KCNIP4: variants seen among roughly 807,000 people sequenced by gnomAD.
KCNIP4 encodes potassium voltage-gated channel interacting protein 4.
In KCNIP4, 12 loss-of-function variants were observed where a neutral mutation model predicts 34.0. The ratio of observed to expected loss-of-function variants is 0.35; its 90% CI spans 0.23 to 0.57. The LOEUF (loss-of-function observed/expected upper bound fraction) is 0.57. Ranked by LOEUF, KCNIP4 falls within the 20% of genes least tolerant of loss-of-function variation. The pLI is 0.83. For missense variants in KCNIP4, 238 were observed against 311.7 expected, an observed-to-expected ratio of 0.76 and a Z score of 1.78; for synonymous variants, 124 against 102.2, an observed-to-expected ratio of 1.21 and a Z score of -1.29.
At chr4:20,756,298 C>G (rs770131433) in intron 4 of KCNIP4, among the ~76,000 whole-genome samples, 3 of 152,126 alleles carry the variant, frequency 2.0e-5, no homozygotes, top group African/African-American at 4.8e-5. Context: ...ATGGTTCCCT[C>G]TTGTCTTGAG....
chr4:21,936,146 T>C (rs1045465544), intron 1 of KCNIP4, among the ~76,000 whole-genome samples: 1 of 152,062 alleles, frequency 6.6e-6, no homozygotes, highest in Non-Finnish European at 1.5e-5. Context: ...GATTGAGAGA[T>C]GATATGGTTT....
chr4:21,854,181 CAAG>C (rs1724602680), intron 1 of KCNIP4, among the ~76,000 whole-genome samples: 1 of 152,088 alleles, frequency 6.6e-6, no homozygotes. Flanking sequence ...GCTGATAAGG[CAAG>C]ATGATAAAAC....
intron 1 of KCNIP4, among the ~76,000 whole-genome samples, chr4:21,700,796 G>T (rs1447652267): frequency 6.6e-6 from 1 of 152,092 alleles, no homozygotes; most frequent in Non-Finnish European, 1.5e-5. Context: ...TAAAGGTCCA[G>T]TTTCATTCTT....
chr4:21,348,259 A>C (rs971580449), intron 1 of KCNIP4, among the ~76,000 whole-genome samples: 4 of 152,200 alleles, frequency 2.6e-5, no homozygotes, highest in Admixed American at 6.5e-5. Context: ...AGTCACTAAC[A>C]GTCTTCAATG....
intron 2 of KCNIP4, among the ~76,000 whole-genome samples, chr4:20,853,310 A>G (rs1577254656): frequency 7.3e-6 from 1 of 137,402 alleles, no homozygotes; most frequent in Non-Finnish European, 1.6e-5. Flanking sequence ...CCAGTGGAAC[A>G]GAATAGATAA....
At chr4:21,556,603 A>G (rs937708035) in intron 1 of KCNIP4, among the ~76,000 whole-genome samples, 7 of 152,064 alleles carry the variant, frequency 4.6e-5, no homozygotes, top group African/African-American at 1.4e-4. Flanking sequence ...ATTGCTAAGA[A>G]TCTTCTATGG....
chr4:21,769,811 T>C (rs535218871), intron 1 of KCNIP4, among the ~76,000 whole-genome samples: 15 of 152,244 alleles, frequency 9.9e-5, no homozygotes, highest in Admixed American at 3.9e-4. Flanking sequence ...TCCACACTTA[T>C]AAATTCTGTT....
intron 1 of KCNIP4, among the ~76,000 whole-genome samples, chr4:21,669,312 T>C (rs1275579424): frequency 6.6e-6 from 1 of 152,202 alleles, no homozygotes; most frequent in African/African-American, 2.4e-5. Flanking sequence ...TTGCCCAGGC[T>C]GTTTTCAAAT....
At chr4:21,308,081 A>G (rs566881726) in intron 1 of KCNIP4, among the ~76,000 whole-genome samples, 4 of 152,346 alleles carry the variant, frequency 2.6e-5, no homozygotes, top group African/African-American at 9.6e-5. Context: ...TTCAAGTCGC[A>G]GCGTGGATTC....
At chr4:21,852,221 G>C (rs1404029594) in intron 1 of KCNIP4, 1 of 152,114 alleles carries the variant, frequency 6.6e-6, no homozygotes, top group Non-Finnish European at 1.5e-5. Flanking sequence ...AAGGCTTCCA[G>C]ACTGCAGCTC....
At chr4:20,788,980 C>T (rs1712372385) in intron 3 of KCNIP4, among the ~76,000 whole-genome samples, 1 of 152,072 alleles carries the variant, frequency 6.6e-6, no homozygotes, top group East Asian at 1.9e-4. Context: ...GCATTCAGTC[C>T]TTCTCAAAGA....
At chr4:21,502,924 T>C (rs1043647097) in intron 1 of KCNIP4, among the ~76,000 whole-genome samples, 2 of 152,180 alleles carry the variant, frequency 1.3e-5, no homozygotes, top group African/African-American at 4.8e-5. Flanking sequence ...AATCTATATT[T>C]ACCAGTTCTT....
At chr4:20,938,858 C>G (rs370314223) in intron 1 of KCNIP4, among the ~76,000 whole-genome samples, 6 of 152,200 alleles carry the variant, frequency 3.9e-5, no homozygotes, top group African/African-American at 1.4e-4. Flanking sequence ...GTCCTGAGAG[C>G]TATACTTCAA....
chr4:21,228,288 T>G (rs1047620697), intron 1 of KCNIP4, among the ~76,000 whole-genome samples: 5 of 152,112 alleles, frequency 3.3e-5, no homozygotes, highest in Non-Finnish European at 7.4e-5. Flanking sequence ...TGTGTGGCAC[T>G]TCCCCTGTTG....
chr4:21,818,803 A>T (rs1376763041), intron 1 of KCNIP4, among the ~76,000 whole-genome samples: 1 of 152,198 alleles, frequency 6.6e-6, no homozygotes, highest in Non-Finnish European at 1.5e-5. Context: ...TGAAAATGAA[A>T]ATGAGATTTA....
chr4:21,904,994 C>A (rs990825386), intron 1 of KCNIP4, among the ~76,000 whole-genome samples: 1 of 152,060 alleles, frequency 6.6e-6, no homozygotes, highest in Non-Finnish European at 1.5e-5. Flanking sequence ...TTAATTTTTA[C>A]CCAGGTATAA....
At chr4:21,915,326 T>C (rs1728568268) in intron 1 of KCNIP4, among the ~76,000 whole-genome samples, 1 of 152,172 alleles carries the variant, frequency 6.6e-6, no homozygotes, top group South Asian at 2.1e-4. Context: ...AATTGAAGCA[T>C]ATAAAGAAGA....
intron 1 of KCNIP4, among the ~76,000 whole-genome samples, chr4:21,196,776 G>A (rs1337539765): frequency 1.3e-5 from 2 of 152,182 alleles, no homozygotes; most frequent in Non-Finnish European, 2.9e-5. Context: ...GAAAATAGGT[G>A]TAGTCTTGTC....
At chr4:21,593,481 G>A (rs557192556) in intron 1 of KCNIP4, among the ~76,000 whole-genome samples, 13 of 152,100 alleles carry the variant, frequency 8.5e-5, no homozygotes, top group South Asian at 2.1e-4. Context: ...TGAGGTTGCC[G>A]TCTGTACCAC....
Sources: allele counts gnomAD v4.1 joint callset (sites outside exome capture counted in the v4.1 genomes callset), GRCh38; gene constraint gnomAD v4.1.1; transcripts MANE v1.5; gene names NCBI Gene and HGNC (gene_info 2026-07-23, HGNC 2026-07-21).